The following CCSER1 variants were observed in gnomAD, a reference collection of about 807,000 sequenced individuals.
CCSER1 encodes the protein serine-rich coiled-coil domain-containing protein 1.
CCSER1 carries 41 observed loss-of-function variants against 82.0 expected under a neutral mutation model. The ratio of observed to expected loss-of-function variants is 0.50; its 90% CI spans 0.39 to 0.65. The LOEUF (loss-of-function observed/expected upper bound fraction) is 0.65, where lower values mean the gene tolerates loss of function less well. CCSER1 is among the 30% of genes least tolerant of loss of function. The pLI is 0.00. For synonymous variants in CCSER1, 414 were observed against 383.9 expected, an observed-to-expected ratio of 1.08 and a Z score of -0.92; for missense variants, 1,119 against 1,064.2, an observed-to-expected ratio of 1.05 and a Z score of -0.72.
At chr4:90,365,363 A>T (rs1464008410) in intron 3 of CCSER1, among the ~76,000 whole-genome samples, 1 of 151,816 alleles carries the variant, frequency 6.6e-6, no homozygotes, top group African/African-American at 2.4e-5. Flanking sequence ...ATATAAATAT[A>T]TATGTGCATA....
chr4:91,231,455 G>A (rs1237337427), intron 10 of CCSER1, among the ~76,000 whole-genome samples: 2 of 151,710 alleles, frequency 1.3e-5, no homozygotes, highest in Non-Finnish European at 3.0e-5. Context: ...ACACAGAGAG[G>A]TGTGGTGGGG....
At chr4:90,280,189 T>TC (rs1414206355) in intron 1 of CCSER1, among the ~76,000 whole-genome samples, 1 of 151,966 alleles carries the variant, frequency 6.6e-6, no homozygotes, top group Non-Finnish European at 1.5e-5. Context: ...ATATCTGATT[T>TC]CAAGAACCTA....
intron 7 of CCSER1, among the ~76,000 whole-genome samples, chr4:90,744,749 A>G (rs953818318): frequency 1.3e-5 from 2 of 152,050 alleles, no homozygotes; most frequent in African/African-American, 2.4e-5. Flanking sequence ...CCTATTGTGA[A>G]CTGCACGTAC....
intron 9 of CCSER1, among the ~76,000 whole-genome samples, chr4:91,011,076 C>CT (rs1738966416): frequency 7.4e-6 from 1 of 134,346 alleles, no homozygotes; most frequent in African/African-American, 2.5e-5. Context: ...AAGGGAAAGA[C>CT]TTTCACCTGC....
chr4:90,876,725 TGA>T (rs1229917606), intron 8 of CCSER1, among the ~76,000 whole-genome samples: 1 of 152,134 alleles, frequency 6.6e-6, no homozygotes, highest in East Asian at 1.9e-4. Context: ...CCTGTGTGTG[TGA>T]GTTTTTCTTT....
At chr4:91,278,919 G>A (rs1269690896) in intron 10 of CCSER1, among the ~76,000 whole-genome samples, 6 of 152,050 alleles carry the variant, frequency 3.9e-5, no homozygotes, top group Non-Finnish European at 7.4e-5. Flanking sequence ...CCCACGTGTA[G>A]AACTCCCTTA....
At chr4:90,624,825 A>G (rs1722981208) in intron 5 of CCSER1, among the ~76,000 whole-genome samples, 1 of 152,210 alleles carries the variant, frequency 6.6e-6, no homozygotes, top group African/African-American at 2.4e-5. Flanking sequence ...AGCACTCATA[A>G]GCAACGAGGC....
intron 3 of CCSER1, among the ~76,000 whole-genome samples, chr4:90,334,566 T>G (rs2153499962): frequency 6.6e-6 from 1 of 152,236 alleles, no homozygotes; most frequent in Non-Finnish European, 1.5e-5. Flanking sequence ...AAAAAAAAGT[T>G]TTCTCTCAGC....
At chr4:91,526,255 G>A (rs989844604) in intron 10 of CCSER1, among the ~76,000 whole-genome samples, 1 of 152,136 alleles carries the variant, frequency 6.6e-6, no homozygotes. Context: ...ATTCCTTTCT[G>A]TGGATTCCAG....
At chr4:90,530,566 G>A (rs2153630052) in intron 5 of CCSER1, among the ~76,000 whole-genome samples, 1 of 152,272 alleles carries the variant, frequency 6.6e-6, no homozygotes, top group African/African-American at 2.4e-5. Flanking sequence ...GAATATTCAT[G>A]GAGATTCCTA....
At chr4:91,337,930 G>T (rs1345843467) in intron 10 of CCSER1, among the ~76,000 whole-genome samples, 1 of 152,130 alleles carries the variant, frequency 6.6e-6, no homozygotes. Flanking sequence ...GGTATGTGTG[G>T]CAGTGGAAGT....
chr4:90,929,685 T>G (rs1729488855), intron 9 of CCSER1, among the ~76,000 whole-genome samples: 2 of 152,152 alleles, frequency 1.3e-5, no homozygotes, highest in South Asian at 4.1e-4. Flanking sequence ...TCTATGAAAG[T>G]TCTTATAATT....
intron 10 of CCSER1, among the ~76,000 whole-genome samples, chr4:91,127,134 G>A (rs974927317): frequency 2.0e-5 from 3 of 151,972 alleles, no homozygotes; most frequent in Admixed American, 2.0e-4. Flanking sequence ...GAGAAATATG[G>A]TTGGCCAAAG....
chr4:90,756,464 A>G (rs1749547791), intron 7 of CCSER1, among the ~76,000 whole-genome samples: 1 of 152,118 alleles, frequency 6.6e-6, no homozygotes, highest in Non-Finnish European at 1.5e-5. Context: ...AAAATAGCCT[A>G]TTTAAGTTTT....
chr4:90,704,002 T>C (rs1188146154), intron 6 of CCSER1, among the ~76,000 whole-genome samples: 1 of 152,184 alleles, frequency 6.6e-6, no homozygotes, highest in Non-Finnish European at 1.5e-5. Context: ...ATGTGTGAAT[T>C]TGATCCTGTC....
intron 1 of CCSER1, among the ~76,000 whole-genome samples, chr4:90,244,858 T>C (rs1379615559): frequency 6.6e-6 from 1 of 152,058 alleles, no homozygotes; most frequent in Non-Finnish European, 1.5e-5. Context: ...AAAAATTGCT[T>C]AGAAATATGT....
intron 3 of CCSER1, among the ~76,000 whole-genome samples, chr4:90,327,417 T>C (rs1182956907): frequency 6.6e-6 from 1 of 152,212 alleles, no homozygotes; most frequent in Non-Finnish European, 1.5e-5. Context: ...TTGAGTTTCT[T>C]TCCCATCTCT....
At chr4:91,286,205 A>G (rs990908846) in intron 10 of CCSER1, among the ~76,000 whole-genome samples, 2 of 151,810 alleles carry the variant, frequency 1.3e-5, no homozygotes, top group African/African-American at 4.8e-5. Flanking sequence ...AAGGCTGTGA[A>G]TCTACAATGA....
intron 5 of CCSER1, among the ~76,000 whole-genome samples, chr4:90,520,078 T>G (rs1051913280): frequency 1.3e-5 from 2 of 151,998 alleles, no homozygotes; most frequent in Non-Finnish European, 2.9e-5. Flanking sequence ...TGAATATATT[T>G]AATAGTACTT....
Sources: allele counts gnomAD v4.1 joint callset (sites outside exome capture counted in the v4.1 genomes callset), GRCh38; gene constraint gnomAD v4.1.1; transcripts MANE v1.5; gene names NCBI Gene and HGNC (gene_info 2026-07-23, HGNC 2026-07-21).